AGBL4: variants seen among roughly 807,000 people sequenced by gnomAD.
AGBL4 encodes the protein cytosolic carboxypeptidase 6.
AGBL4 carries 58 observed loss-of-function variants against 66.4 expected under a neutral mutation model. The observed-to-expected ratio is 0.87, with a 90% CI of 0.71 to 1.09. The LOEUF is 1.09. Among genes scored for constraint, AGBL4 ranks in the 50% least tolerant of loss-of-function variants. The probability of loss-of-function intolerance (pLI) is 0.00; values close to 1 mark genes in which losing one functional copy is unlikely to be tolerated. For synonymous variants in AGBL4, 234 were observed against 222.9 expected (o/e 1.05, Z -0.44); for missense variants, 579 against 631.0 (o/e 0.92, Z 0.88).
At chr1:49,234,999 A>G (rs1650606928) in intron 4 of AGBL4, among the ~76,000 whole-genome samples, 1 of 152,204 alleles carries the variant, frequency 6.6e-6, no homozygotes, top group Non-Finnish European at 1.5e-5. Context: ...TCATGATCCA[A>G]AATCATTTTG....
At chr1:49,606,076 T>C (rs1454883440) in intron 3 of AGBL4, among the ~76,000 whole-genome samples, 1 of 152,132 alleles carries the variant, frequency 6.6e-6, no homozygotes, top group East Asian at 1.9e-4. Flanking sequence ...AGGCTATCTT[T>C]GACACAAGCA....
intron 1 of AGBL4, among the ~76,000 whole-genome samples, chr1:49,984,840 T>C (rs1346436588): frequency 6.6e-6 from 1 of 151,694 alleles, no homozygotes; most frequent in East Asian, 1.9e-4. Flanking sequence ...AGCAGTGGAG[T>C]CTGACATGGA....
intron 4 of AGBL4, among the ~76,000 whole-genome samples, chr1:49,117,631 T>C (rs1645555605): frequency 6.6e-6 from 1 of 152,222 alleles, no homozygotes; most frequent in Non-Finnish European, 1.5e-5. Context: ...AGCCTTGTAG[T>C]ATAGTTTGAA....
chr1:49,616,208 C>G (rs777533656), intron 3 of AGBL4, among the ~76,000 whole-genome samples: 1 of 152,104 alleles, frequency 6.6e-6, no homozygotes, highest in Non-Finnish European at 1.5e-5. Flanking sequence ...CAAGCTTTAG[C>G]TCACCATTCT....
At chr1:49,878,552 C>T (rs1186288126) in intron 1 of AGBL4, among the ~76,000 whole-genome samples, 1 of 152,052 alleles carries the variant, frequency 6.6e-6, no homozygotes, top group Non-Finnish European at 1.5e-5. Flanking sequence ...TGTTCTTTTA[C>T]ATTTGCTGAG....
chr1:49,134,232 CGAGACCACGAGGTCAGGGT>C (rs1645959688), intron 4 of AGBL4, among the ~76,000 whole-genome samples: 1 of 152,036 alleles, frequency 6.6e-6, no homozygotes, highest in African/African-American at 2.4e-5. Flanking sequence ...AAGGTCAGGG[CGAGACCACGAGGTCAGGGT>C]GAAACTAGAA....
At chr1:49,972,868 G>T (rs1658251930) in intron 1 of AGBL4, among the ~76,000 whole-genome samples, 1 of 152,078 alleles carries the variant, frequency 6.6e-6, no homozygotes. Context: ...AGATAAAGGG[G>T]GACTACTGTA....
At chr1:48,776,635 A>C in intron 6 of AGBL4, 3 of 1,470,504 alleles carry the variant, frequency 2.0e-6, no homozygotes, top group Non-Finnish European at 2.7e-6. Context: ...GGCCTTGTGG[A>C]GCAACAGCGC....
intron 2 of AGBL4, among the ~76,000 whole-genome samples, chr1:49,823,019 G>A (rs1645409558): frequency 1.3e-5 from 2 of 152,316 alleles, no homozygotes; most frequent in South Asian, 4.1e-4. Flanking sequence ...GTTAGATACA[G>A]ATGATGATGA....
At chr1:49,418,017 C>G (rs1364350074) in intron 3 of AGBL4, among the ~76,000 whole-genome samples, 1 of 152,094 alleles carries the variant, frequency 6.6e-6, no homozygotes, top group African/African-American at 2.4e-5. Flanking sequence ...TTTTCATATG[C>G]ACACATTGAA....
intron 5 of AGBL4, among the ~76,000 whole-genome samples, chr1:48,868,906 A>T (rs911293593): frequency 1.3e-5 from 2 of 152,178 alleles, no homozygotes; most frequent in African/African-American, 4.8e-5. Flanking sequence ...TCAGTCCATG[A>T]CAATAGTTTG....
chr1:49,043,824 T>C (rs142417384), intron 5 of AGBL4, among the ~76,000 whole-genome samples: 1 of 152,338 alleles, frequency 6.6e-6, no homozygotes, highest in East Asian at 1.9e-4. Context: ...TGTCTCTCAG[T>C]ACCTGAGTTG....
intron 3 of AGBL4, among the ~76,000 whole-genome samples, chr1:49,588,271 T>C (rs1644688258): frequency 6.6e-6 from 1 of 152,218 alleles, no homozygotes; most frequent in South Asian, 2.1e-4. Flanking sequence ...TCCTCTGTAA[T>C]ACATTCTAAT....
At chr1:49,149,710 A>G (rs1646289949) in intron 4 of AGBL4, among the ~76,000 whole-genome samples, 1 of 152,204 alleles carries the variant, frequency 6.6e-6, no homozygotes, top group Admixed American at 6.5e-5. Context: ...ATGCTGAAGC[A>G]TCACGAGTAA....
intron 3 of AGBL4, among the ~76,000 whole-genome samples, chr1:49,258,760 A>C (rs994915001): frequency 2.6e-5 from 4 of 152,242 alleles, no homozygotes; most frequent in African/African-American, 9.6e-5. Flanking sequence ...GAACTTCCCC[A>C]ATCTAGCAAG....
chr1:49,852,546 C>A (rs114005307), intron 1 of AGBL4, among the ~76,000 whole-genome samples: 1,629 of 151,996 alleles, frequency 0.011, 12 homozygotes, highest in South Asian at 0.015. Flanking sequence ...GGAGAGACTT[C>A]TGTAATAGGA....
At chr1:49,256,893 C>G (rs1278569453) in intron 3 of AGBL4, among the ~76,000 whole-genome samples, 1 of 152,060 alleles carries the variant, frequency 6.6e-6, no homozygotes. Context: ...AATGAATGGT[C>G]CTGGATCAAT....
chr1:49,862,844 C>CA (rs895698813), intron 1 of AGBL4, among the ~76,000 whole-genome samples: 2 of 151,960 alleles, frequency 1.3e-5, no homozygotes, highest in East Asian at 1.9e-4. Context: ...CACACACATA[C>CA]AAAAAAAGCT....
At chr1:48,553,790 T>C (rs1370810512) in intron 11 of AGBL4, among the ~76,000 whole-genome samples, 3 of 152,206 alleles carry the variant, frequency 2.0e-5, no homozygotes, top group Non-Finnish European at 4.4e-5. Flanking sequence ...TTCCTGGTAA[T>C]GTTCCTTCTT....
Sources: gnomAD v4.1 joint callset for allele counts (sites outside exome capture counted in the v4.1 genomes callset) on GRCh38, gnomAD v4.1.1 for gene constraint, MANE v1.5 for transcripts, NCBI Gene and HGNC (gene_info 2026-07-23, HGNC 2026-07-21) for gene names.